Variants in CCBE1 observed in about 807,000 individuals in gnomAD.
The protein encoded by CCBE1 is collagen and calcium-binding EGF domain-containing protein 1.
In CCBE1, 37 loss-of-function variants were observed where a neutral mutation model predicts 50.0. That is an observed-to-expected ratio of 0.74 (90% confidence interval 0.57 to 0.97). The LOEUF is 0.97. CCBE1 is among the 50% of genes least tolerant of loss of function. The probability of loss-of-function intolerance (pLI) is 0.00; values close to 1 mark genes in which losing one functional copy is unlikely to be tolerated. For synonymous variants in CCBE1, 234 were observed against 203.7 expected (o/e 1.15, Z -1.27); for missense variants, 538 against 523.8 (o/e 1.03, Z -0.26).
chr18:59,550,252 T>C (rs1445086789), intron 2 of CCBE1, among the ~76,000 whole-genome samples: 1 of 152,154 alleles, frequency 6.6e-6, no homozygotes, highest in African/African-American at 2.4e-5. Flanking sequence ...CCAAATCCAG[T>C]CCACTGCCTG....
chr18:59,523,405 T>C (rs1034778860), intron 2 of CCBE1, among the ~76,000 whole-genome samples: 2 of 150,992 alleles, frequency 1.3e-5, no homozygotes, highest in African/African-American at 2.4e-5. Flanking sequence ...ACTGGGTAGG[T>C]AGTCTTAGAC....
At chr18:59,469,418 C>G (rs1181787754) in intron 4 of CCBE1, 55 bp downstream of exon 4, 1 of 1,612,234 alleles carries the variant, frequency 6.2e-7, no homozygotes, top group East Asian at 2.2e-5. Flanking sequence ...AAGGACAGAA[C>G]CATCTGAACA....
chr18:59,625,609 C>T (rs927832210), intron 2 of CCBE1, among the ~76,000 whole-genome samples: 1 of 152,090 alleles, frequency 6.6e-6, no homozygotes, highest in Admixed American at 6.5e-5. Flanking sequence ...GGGGAACCAC[C>T]TTCTCCCTGT....
At chr18:59,548,063 C>T (rs935542808) in intron 2 of CCBE1, among the ~76,000 whole-genome samples, 2 of 152,188 alleles carry the variant, frequency 1.3e-5, no homozygotes, top group Non-Finnish European at 2.9e-5. Context: ...AGTGCCATCA[C>T]GTGATGTGAA....
rs899329365 is a variant in CCBE1, at chr18:59,467,935, T to A, written c.401-1044A>T. Among the ~76,000 whole-genome samples, 7 of 152,322 alleles carry A rather than the reference T, an allele frequency of 4.6e-5. No individual in the cohort carries two copies. In the East Asian group the frequency reaches 1.4e-3, roughly 29 times the overall value. ...GTTGCAGCTGCATCCTCCTCTGCAA[T>A]TCCTCAGGCTCACTGCCTTTCCCCA... is the stretch of plus-strand genomic sequence containing the variant. On this transcript the variant is annotated intron_variant, in intron 4 of 10. Transcript: ENST00000439986.
chr18:59,551,025 A>AGAAAAGAAAAG (rs1568201642), intron 2 of CCBE1, among the ~76,000 whole-genome samples: 7 of 114,854 alleles, frequency 6.1e-5, no homozygotes, highest in African/African-American at 2.3e-4. Context: ...AAAAAAAAAA[A>AGAAAAGAAAAG]AAAAGAAAAG....
intron 2 of CCBE1, among the ~76,000 whole-genome samples, chr18:59,527,076 G>A (rs1007069061): frequency 4.0e-5 from 6 of 151,874 alleles, no homozygotes; most frequent in South Asian, 4.2e-4. Context: ...ATTTTCTCTC[G>A]ATGATCTAAT....
rs554802597 is a variant in CCBE1 at position 59,587,383 on chromosome 18, A to G, written c.213-107145T>C. 2.6e-5 allele frequency among the ~76,000 whole-genome samples: 4 copies of G among 152,232 alleles called. No homozygotes were observed. In the East Asian group the frequency reaches 5.8e-4, roughly 22 times the overall value. The stretch of plus-strand genomic sequence containing the variant: ...GTCACCTCAACAGACTGCAGAAGAA[A>G]AATCATAATCATCTCAACAGGTACC... On this transcript the variant is annotated intron_variant, in intron 2 of 10. Coordinates refer to ENST00000439986, the MANE Select transcript of CCBE1 (RefSeq NM_133459.4).
chr18:59,574,035 A>G (rs192486742), intron 2 of CCBE1, among the ~76,000 whole-genome samples: 1 of 152,294 alleles, frequency 6.6e-6, no homozygotes, highest in Admixed American at 6.5e-5. Context: ...CAAACAGGAC[A>G]TGTTCTATCT....
intron 2 of CCBE1, among the ~76,000 whole-genome samples, chr18:59,695,569 T>A (rs2144759939): frequency 6.6e-6 from 1 of 152,332 alleles, no homozygotes; most frequent in East Asian, 1.9e-4. Flanking sequence ...TTTGCACCCA[T>A]AAACTGACAG....
chr18:59,594,351 C>T (rs1338476610), intron 2 of CCBE1, among the ~76,000 whole-genome samples: 1 of 152,120 alleles, frequency 6.6e-6, no homozygotes, highest in Non-Finnish European at 1.5e-5. Context: ...TAGTCAAATT[C>T]AGAGAGACAG....
chr18:59,694,161 C>A (rs974042942), intron 2 of CCBE1, among the ~76,000 whole-genome samples: 1 of 152,048 alleles, frequency 6.6e-6, no homozygotes, highest in Non-Finnish European at 1.5e-5. Context: ...TGAGCCACCG[C>A]ACCCGGCCTA....
At chr18:59,593,607 A>C (rs11874466) in intron 2 of CCBE1, among the ~76,000 whole-genome samples, 2 of 152,178 alleles carry the variant, frequency 1.3e-5, no homozygotes, top group African/African-American at 4.8e-5. Flanking sequence ...GTGTTCTTAC[A>C]TAAGAGCTGA....
chr18:59,523,005 A>AG, intron 2 of CCBE1, among the ~76,000 whole-genome samples: 1 of 151,060 alleles, frequency 6.6e-6, no homozygotes, highest in South Asian at 2.1e-4. Context: ...AAAAAAAAAA[A>AG]AAAAAAAATT....
chr18:59,569,628 G>A (rs1288017715), intron 2 of CCBE1, among the ~76,000 whole-genome samples: 50 of 128,020 alleles, frequency 3.9e-4, no homozygotes, highest in African/African-American at 1.3e-3. Flanking sequence ...ATCTCCCCCC[G>A]CCCTTTTAAA....
chr18:59,572,588 A>G (rs2052929553), intron 2 of CCBE1, among the ~76,000 whole-genome samples: 1 of 152,232 alleles, frequency 6.6e-6, no homozygotes, highest in Non-Finnish European at 1.5e-5. Context: ...AATCTGCTTT[A>G]TGAGAAATGT....
chr18:59,594,920 T>C (rs1338097413), intron 2 of CCBE1, among the ~76,000 whole-genome samples: 2 of 152,050 alleles, frequency 1.3e-5, no homozygotes, highest in Non-Finnish European at 2.9e-5. Context: ...AAGATCAGCC[T>C]GATCAACATG....
intron 2 of CCBE1, among the ~76,000 whole-genome samples, chr18:59,495,493 C>G (rs1484579368): frequency 5.3e-5 from 8 of 151,158 alleles, no homozygotes; most frequent in Non-Finnish European, 7.4e-5. Flanking sequence ...CTTGACATCA[C>G]TTCCCTGACT....
intron 2 of CCBE1, among the ~76,000 whole-genome samples, chr18:59,552,416 ACTTCT>A (rs1366425221): frequency 1.3e-5 from 2 of 152,142 alleles, no homozygotes; most frequent in Non-Finnish European, 2.9e-5. Context: ...CACAAAAAGA[ACTTCT>A]CTTGTCTCCA....
Sources: allele counts gnomAD v4.1 joint callset (sites outside exome capture counted in the v4.1 genomes callset), GRCh38; gene constraint gnomAD v4.1.1; transcripts MANE v1.5; gene names NCBI Gene and HGNC (gene_info 2026-07-23, HGNC 2026-07-21).